Variants in TIMP2 observed in about 807,000 individuals in gnomAD.
TIMP2 encodes the protein metalloproteinase inhibitor 2.
Under a neutral mutation model 24.3 loss-of-function variants are expected in TIMP2, and 5 were observed. The ratio of observed to expected loss-of-function variants is 0.21; its 90% CI spans 0.11 to 0.43. TIMP2 has a LOEUF of 0.43. TIMP2 is among the 20% of genes least tolerant of loss of function. The pLI is 1.00. For missense variants in TIMP2, 221 were observed against 297.5 expected (o/e 0.74, Z 1.89); for synonymous variants, 130 against 123.2 (o/e 1.06, Z -0.37).
Position 78,853,795 on chromosome 17 carries a change from A to C in TIMP2, c.*1872T>G, listed in dbSNP as rs527370564. 6.6e-6 allele frequency: 1 copy of C among 152,646 alleles called. No individual in the cohort carries two copies. The highest frequency in any genetic ancestry group is 6.5e-5 in the Admixed American group (1 of 15,282). The allele number at this position is 152,646 out of a possible 1,614,324, so 9.5% of individuals were successfully genotyped here. A position where few individuals can be genotyped will look rare whatever the true frequency, so the allele number is the denominator to read the frequency against. Reference sequence around the variant, plus strand: ...AAACAAACCAAAACATTAAAAAAACAATCAGCAGAAACAGGAGTAAATGTT... The same window carrying C: ...AAACAAACCAAAACATTAAAAAAACCATCAGCAGAAACAGGAGTAAATGTT... On this transcript the variant is annotated 3_prime_UTR_variant, in exon 5 of 5. Coordinates refer to ENST00000262768, the MANE Select transcript of TIMP2 (RefSeq NM_003255.5).
chr17:78,910,053 T>C (rs777958916), intron 1 of TIMP2, among the ~76,000 whole-genome samples: 1 of 152,196 alleles, frequency 6.6e-6, no homozygotes, highest in African/African-American at 2.4e-5. Context: ...TAGTGATGTT[T>C]AGATACATAC....
chr17:78,874,734 C>T (rs1350575972), intron 1 of TIMP2, among the ~76,000 whole-genome samples: 5 of 150,880 alleles, frequency 3.3e-5, no homozygotes, highest in Admixed American at 6.6e-5. Flanking sequence ...TCTGTCACCA[C>T]GCCCGGTTAA....
rs1052071084 is a variant in TIMP2 at position 78,855,271 on chromosome 17, C to T, written c.*396G>A. ...GTAGGCCTGCTACACAGTCTTGCAA[C>T]GACCCTCAAAAGTTTCTGCAAAATG... On this transcript the variant is annotated 3_prime_UTR_variant, in exon 5 of 5. Coordinates refer to ENST00000262768, the MANE Select transcript of TIMP2 (RefSeq NM_003255.5). This position sits in a 1 kb window ranked among gnomAD's most constrained non-coding sequence, Gnocchi z 6.0. 8 of 282,324 alleles carry T rather than the reference C, an allele frequency of 2.8e-5. No individual in the cohort carries two copies. Among genetic ancestry groups the T allele is most frequent in the Admixed American group, 2.3e-4 (5 of 21,752 alleles). The allele number at this position is 282,324 out of a possible 1,614,324, so 17.5% of individuals were successfully genotyped here. A position where few individuals can be genotyped will look rare whatever the true frequency, so the allele number is the denominator to read the frequency against.
chr17:78,903,459 G>C (rs1336864317), intron 1 of TIMP2, among the ~76,000 whole-genome samples: 1 of 152,178 alleles, frequency 6.6e-6, no homozygotes, highest in Non-Finnish European at 1.5e-5. Flanking sequence ...TCCCCAGCTG[G>C]CTGCATGGAG....
chr17:78,858,571 A>T (rs552861416), intron 3 of TIMP2, among the ~76,000 whole-genome samples: 1 of 152,186 alleles, frequency 6.6e-6, no homozygotes, highest in Non-Finnish European at 1.5e-5. Context: ...CTCAGGCCAG[A>T]GTGCAATGGT....
At chr17:78,917,793 C>T (rs749194092) in intron 1 of TIMP2, among the ~76,000 whole-genome samples, 10 of 152,160 alleles carry the variant, frequency 6.6e-5, no homozygotes, top group Admixed American at 2.6e-4. Context: ...AGGTCTGCCT[C>T]GGACTCCCCT....
chr17:78,881,316 G>C (rs886905783), intron 1 of TIMP2, among the ~76,000 whole-genome samples: 6 of 152,242 alleles, frequency 3.9e-5, no homozygotes, highest in African/African-American at 1.4e-4. Flanking sequence ...GCCCAGCGGA[G>C]AACGCCAAGG....
chr17:78,877,404 C>G (rs181784386), intron 1 of TIMP2, among the ~76,000 whole-genome samples: 1 of 152,072 alleles, frequency 6.6e-6, no homozygotes, highest in African/African-American at 2.4e-5. Flanking sequence ...CATGGTGAAA[C>G]CCCATCTCTA....
chr17:78,889,075 C>A (rs1454744381), intron 1 of TIMP2, among the ~76,000 whole-genome samples: 1 of 152,218 alleles, frequency 6.6e-6, no homozygotes, highest in Non-Finnish European at 1.5e-5. Context: ...AACCTGGCCA[C>A]GCCCTTTCAT....
Position 78,896,137 on chromosome 17 carries a change from T to G in TIMP2, c.131-22218A>C, listed in dbSNP as rs904864000. Among the ~76,000 whole-genome samples, 1 of 152,222 alleles carries G rather than the reference T, an allele frequency of 6.6e-6. No homozygotes were observed. The highest frequency in any genetic ancestry group is 2.4e-5 in the African/African-American group (1 of 41,458). ...CGATCCCCGCTCTGACACCATCAGA[T>G]GCAACCTCGTCCCCGCTACCCCAGC... On this transcript the variant is annotated intron_variant, in intron 1 of 4. Transcript: ENST00000262768. The surrounding 1 kb of genome is among the most constrained non-coding windows in gnomAD (Gnocchi z 4.4).
At chr17:78,883,413 C>A (rs1261525660) in intron 1 of TIMP2, among the ~76,000 whole-genome samples, 1 of 152,172 alleles carries the variant, frequency 6.6e-6, no homozygotes, top group Non-Finnish European at 1.5e-5. Context: ...GAGGACTTGG[C>A]CAGCATGACT....
chr17:78,917,220 C>A (rs528075737), intron 1 of TIMP2, among the ~76,000 whole-genome samples: 1 of 144,738 alleles, frequency 6.9e-6, no homozygotes, highest in Non-Finnish European at 1.5e-5. Flanking sequence ...CCACTGCACT[C>A]CAGCCTGGGC....
chr17:78,893,519 G>T (rs1399434006), intron 1 of TIMP2, among the ~76,000 whole-genome samples: 1 of 147,176 alleles, frequency 6.8e-6, no homozygotes, highest in East Asian at 1.9e-4. Context: ...GTGTGCGTGT[G>T]CACATCTGTT....
chr17:78,878,962 C>A (rs2069754094), intron 1 of TIMP2, among the ~76,000 whole-genome samples: 1 of 152,206 alleles, frequency 6.6e-6, no homozygotes, highest in South Asian at 2.1e-4. Context: ...GGCAACCTTC[C>A]CCAAAGCACC....
At chr17:78,882,290 T>C (rs573578841) in intron 1 of TIMP2, among the ~76,000 whole-genome samples, 18 of 152,274 alleles carry the variant, frequency 1.2e-4, no homozygotes, top group African/African-American at 4.1e-4. Context: ...TTGATTAATA[T>C]GTCTAAAGCG....
rs1000514931 is a variant in TIMP2, at chr17:78,896,569, G to C, written c.131-22650C>G. Among the ~76,000 whole-genome samples, 1 of 152,146 alleles carries C rather than the reference G, an allele frequency of 6.6e-6. No homozygotes were observed. The highest frequency in any genetic ancestry group is 1.5e-5 in the Non-Finnish European group (1 of 68,024). On this transcript the variant is annotated intron_variant, in intron 1 of 4. Coordinates refer to ENST00000262768, the MANE Select transcript of TIMP2 (RefSeq NM_003255.5). This position sits in a 1 kb window ranked among gnomAD's most constrained non-coding sequence, Gnocchi z 4.4. ...CCTCTGTCCTCCACATCCTCTGAGT[G>C]TTCTGAGCATCCTGGGCTGCTTTGG...
intron 1 of TIMP2, among the ~76,000 whole-genome samples, chr17:78,889,281 G>C (rs1275055868): frequency 6.6e-6 from 1 of 152,224 alleles, no homozygotes; most frequent in Non-Finnish European, 1.5e-5. Context: ...CATGGCTCTG[G>C]TGGATGCCAG....
chr17:78,879,916 C>T (rs1266614557), intron 1 of TIMP2, among the ~76,000 whole-genome samples: 8 of 151,818 alleles, frequency 5.3e-5, no homozygotes, highest in East Asian at 1.9e-4. Context: ...AGAGTGGGGA[C>T]GGAAAAGAAC....
At chr17:78,867,126 G>T (rs917693876) in intron 3 of TIMP2, among the ~76,000 whole-genome samples, 1 of 152,070 alleles carries the variant, frequency 6.6e-6, no homozygotes, top group Non-Finnish European at 1.5e-5. Context: ...CCAGGTATGG[G>T]GGCACACATC....
Sources: allele counts gnomAD v4.1 joint callset (sites outside exome capture counted in the v4.1 genomes callset), GRCh38; gene constraint gnomAD v4.1.1; non-coding constraint Gnocchi (gnomAD v3.1); transcripts MANE v1.5; gene names NCBI Gene and HGNC (gene_info 2026-07-23, HGNC 2026-07-21).